The following INTS4 variants were observed in gnomAD, a reference collection of about 807,000 sequenced individuals.
INTS4 encodes MSTP093.
Under a neutral mutation model 119.5 loss-of-function variants are expected in INTS4, and 70 were observed. The ratio of observed to expected loss-of-function variants is 0.59; its 90% CI spans 0.48 to 0.71. INTS4 has a LOEUF of 0.71. Among genes scored for constraint, INTS4 ranks in the 30% least tolerant of loss-of-function variants. The pLI, the probability that INTS4 is intolerant of heterozygous loss-of-function variation, is 0.00. For missense variants in INTS4, 867 were observed against 1,173.2 expected (o/e 0.74, Z 3.81); for synonymous variants, 316 against 419.6 (o/e 0.75, Z 3.02).
chr11:77,924,785 T>C lies in INTS4; in HGVS notation c.1479A>G (p.Leu493=). The C allele has an allele frequency of 1.2e-6, 2 of 1,609,374 alleles. No homozygotes were observed. Among genetic ancestry groups the C allele is most frequent in the South Asian group, 1.1e-5 (1 of 90,982 alleles). The change falls in exon 12 of 23, where the codon TTA becomes TTG. Residue 493 remains leucine, a synonymous_variant. Coordinates refer to ENST00000534064, the MANE Select transcript of INTS4 (RefSeq NM_033547.4). ...HLALVELLKN[L]TKYPTDRDSI... ...AGTCCCTATCAGTAGGGTACTTGGTTAAATTTTTCAGCAGCTCCACCAATG... is the reference window on the plus strand; with the variant it reads ...AGTCCCTATCAGTAGGGTACTTGGTCAAATTTTTCAGCAGCTCCACCAATG...
intron 8 of INTS4, among the ~76,000 whole-genome samples, chr11:77,943,025 TA>T (rs1194789367): frequency 6.6e-6 from 1 of 152,336 alleles, no homozygotes. Flanking sequence ...AACAATTTTA[TA>T]AATAAGAACT....
At chr11:77,891,593 C>A in intron 20 of INTS4, 88 bp downstream of exon 20, 2 of 1,576,974 alleles carry the variant, frequency 1.3e-6, no homozygotes, top group Non-Finnish European at 1.7e-6. Flanking sequence ...CCTAGCCCAG[C>A]TGCTCCACTG....
In INTS4 at chr11:77,941,215, G is replaced by C. The variant is rs1412604910; in HGVS notation, c.955C>G (p.Gln319Glu). The change falls in exon 9 of 23, where the codon CAG becomes GAG. Residue 319 changes from glutamine to glutamate, a missense_variant. By Grantham distance (29) the Gln-to-Glu change is conservative. Transcript: ENST00000534064. Reference protein sequence around the residue: ...MEQVSSHFLEQTLDKKLMSDL... With the variant: ...MEQVSSHFLEETLDKKLMSDL... ...GACATCAGCTTCTTGTCAAGGGTCT[G>C]CTCCAAGAAATGAGAACTGACTTGC... 1 of 1,612,838 alleles carries C rather than the reference G, an allele frequency of 6.2e-7. No homozygotes were observed. Among genetic ancestry groups the C allele is most frequent in the East Asian group, 2.2e-5 (1 of 44,866 alleles).
downstream of INTS4, chr11:77,878,702 AC>A: frequency 1.4e-6 from 1 of 693,338 alleles, no homozygotes. Flanking sequence ...TTCTTTACAG[AC>A]CAGGAACTAG....
At chr11:77,979,236 C>T in intron 3 of INTS4, 134 bp from the exon 4 acceptor site, 1 of 533,632 alleles carries the variant, frequency 1.9e-6, no homozygotes. Flanking sequence ...TTTGAGAAGC[C>T]TAGGCAGGAG....
intron 11 of INTS4, among the ~76,000 whole-genome samples, chr11:77,925,827 T>C (rs1953485154): frequency 6.6e-6 from 1 of 152,256 alleles, no homozygotes. Context: ...AGCTCACTTG[T>C]GTTTTAGAGC....
chr11:77,953,808 T>C (rs557301795), intron 8 of INTS4, among the ~76,000 whole-genome samples: 72 of 152,290 alleles, frequency 4.7e-4, no homozygotes, highest in African/African-American at 1.7e-3. Context: ...GGTCTCGAAC[T>C]CCTGACCTCA....
At chr11:77,929,688 A>G (rs1379152811) in intron 10 of INTS4, among the ~76,000 whole-genome samples, 2 of 152,158 alleles carry the variant, frequency 1.3e-5, no homozygotes, top group East Asian at 3.9e-4. Flanking sequence ...ACACGCTTGG[A>G]ATGATAGAGG....
chr11:77,903,239 T>C (rs568724890), intron 17 of INTS4, among the ~76,000 whole-genome samples: 2 of 152,366 alleles, frequency 1.3e-5, no homozygotes, highest in East Asian at 1.9e-4. Flanking sequence ...ACTTCTGTCA[T>C]AGCCTGAAAT....
intron 15 of INTS4, among the ~76,000 whole-genome samples, chr11:77,917,391 G>A (rs1255064367): frequency 7.8e-6 from 1 of 128,378 alleles, no homozygotes; most frequent in African/African-American, 3.0e-5. Context: ...CTGGCTCACT[G>A]CAAGCTCTGC....
chr11:77,903,420 G>T (rs373194953), intron 17 of INTS4, 120 bp downstream of exon 17: 15,183 of 1,531,562 alleles, frequency 9.9e-3, no homozygotes, highest in Non-Finnish European at 0.011. Flanking sequence ...GCAGCTACAT[G>T]CCACAACTTT....
At chr11:77,889,584 C>A (rs1159282723) in intron 21 of INTS4, among the ~76,000 whole-genome samples, 1 of 152,130 alleles carries the variant, frequency 6.6e-6, no homozygotes, top group African/African-American at 2.4e-5. Flanking sequence ...GAATGGAGTT[C>A]TGCAGGGTTT....
chr11:77,980,079 A>C (rs1003746231), intron 3 of INTS4, among the ~76,000 whole-genome samples: 1 of 151,604 alleles, frequency 6.6e-6, no homozygotes, highest in Non-Finnish European at 1.5e-5. Context: ...CATACATACC[A>C]GGCCTTCCAT....
intron 4 of INTS4, among the ~76,000 whole-genome samples, chr11:77,974,558 T>A (rs1273393934): frequency 6.7e-6 from 1 of 149,396 alleles, no homozygotes; most frequent in Admixed American, 6.7e-5. Context: ...TTTCATAATA[T>A]TAACTTATAA....
rs1856667342 is a variant in INTS4 at position 77,991,118 on chromosome 11, T to C, written c.236A>G (p.His79Arg). 6.2e-7 allele frequency: 1 copy of C among 1,613,712 alleles called. No individual in the cohort carries two copies. The highest frequency in any genetic ancestry group is 8.5e-7 in the Non-Finnish European group (1 of 1,179,634). Residue 79 changes from histidine to arginine, a missense_variant, in exon 2 of 23, where the codon CAT (histidine) becomes CGT (arginine). His to Arg is a conservative substitution (Grantham distance 29, BLOSUM62 0). This residue lies in a region of INTS4 where 224 missense variants were observed against 231.8 expected (regional missense o/e 0.97). Transcript: ENST00000534064. ...TCAAGATTTTCTTACCTTGTAATAATGTTCCAAGAGAATCCTGACTACTCC... is the reference window on the plus strand; with the variant it reads ...TCAAGATTTTCTTACCTTGTAATAACGTTCCAAGAGAATCCTGACTACTCC... ...VEGVVRILLE[H>R]YYKENDPSVR...
chr11:77,954,942 G>T (rs1344977669), intron 8 of INTS4, among the ~76,000 whole-genome samples: 14 of 152,154 alleles, frequency 9.2e-5, no homozygotes, highest in Admixed American at 9.2e-4. Flanking sequence ...CTAGGCTCCG[G>T]CTATCTTAAT....
At chr11:77,961,328 T>C (rs746920867) in intron 4 of INTS4, among the ~76,000 whole-genome samples, 190 bp from the exon 5 acceptor site, 1 of 151,944 alleles carries the variant, frequency 6.6e-6, no homozygotes, top group Non-Finnish European at 1.5e-5. Flanking sequence ...TCAAAAAAAA[T>C]GAGTCCTTAG....
rs146887549 is a variant in INTS4 at position 77,961,290 on chromosome 11, G to A, written c.472-152C>T. 7.0e-4 allele frequency: 737 copies of A among 1,055,022 alleles called. 4 individuals are homozygous for A. In the African/African-American group the frequency reaches 0.011, roughly 16 times the overall value. The allele number at this position is 1,055,022 out of a possible 1,614,324, so 65.4% of individuals were successfully genotyped here. A position where few individuals can be genotyped will look rare whatever the true frequency, so the allele number is the denominator to read the frequency against. ...CTATATTCTTAGGACAGTCTGTCTA[G>A]CATCATGTTACTTGAGTACGGGTCT... is the stretch of plus-strand genomic sequence containing the variant. On this transcript the variant is annotated intron_variant, in intron 4 of 22. Coordinates refer to ENST00000534064, the MANE Select transcript of INTS4 (RefSeq NM_033547.4).
chr11:77,934,001 G>A (rs1362798660), intron 10 of INTS4, among the ~76,000 whole-genome samples: 1 of 152,050 alleles, frequency 6.6e-6, no homozygotes, highest in African/African-American at 2.4e-5. Context: ...TGCTGTGTCT[G>A]TGTAGAGGGA....
Sources: gnomAD v4.1 joint callset for allele counts (sites outside exome capture counted in the v4.1 genomes callset) on GRCh38, gnomAD v4.1.1 for gene constraint, gnomAD v4.1.1 regional missense constraint, MANE v1.5 for transcripts, NCBI Gene and HGNC (gene_info 2026-07-23, HGNC 2026-07-21) for gene names.